Variants in RPL24 observed in about 807,000 individuals in gnomAD.
RPL24 encodes the protein large ribosomal subunit protein eL24.
RPL24 carries 7 observed loss-of-function variants against 26.4 expected under a neutral mutation model. The ratio of observed to expected loss-of-function variants is 0.27; its 90% CI spans 0.15 to 0.50. RPL24 has a LOEUF of 0.50. Among genes scored for constraint, RPL24 ranks in the 20% least tolerant of loss-of-function variants. RPL24 has a pLI of 0.98. For missense variants in RPL24, 109 were observed against 194.9 expected, an observed-to-expected ratio of 0.56 and a Z score of 2.62; for synonymous variants, 67 against 65.2, an observed-to-expected ratio of 1.03 and a Z score of -0.13.
rs753685970 is a variant in RPL24, at chr3:101,685,921, T to C, written c.89A>G (p.Gln30Arg). Residue 30 changes from glutamine to arginine, a missense_variant, in exon 3 of 6, where the codon CAG (glutamine) becomes CGG (arginine). Gln to Arg is a conservative substitution (Grantham distance 43). Transcript: ENST00000394077. Reference protein sequence around the residue: ...RYARTDGKVFQFLNAKCESAF... With the variant: ...RYARTDGKVFRFLNAKCESAF... ...CGACTCGCATTTCGCATTAAGAAAC[T>C]GGAAAACCTAGAGTGACAAATGCAA... 3 of 1,608,646 alleles carry C rather than the reference T, an allele frequency of 1.9e-6. No individual in the cohort carries two copies. Among genetic ancestry groups the C allele is most frequent in the East Asian group, 2.2e-5 (1 of 44,846 alleles).
intron 3 of RPL24, among the ~76,000 whole-genome samples, chr3:101,685,239 C>T (rs1937321266): frequency 6.6e-6 from 1 of 152,040 alleles, no homozygotes; most frequent in Admixed American, 6.6e-5. Context: ...GTTTCTCCTT[C>T]CTCTGAACTT....
rs551154412 is a variant in RPL24 at position 101,685,114 on chromosome 3, A to C, written c.192+704T>G. Among the ~76,000 whole-genome samples, 37 of 152,172 alleles carry C rather than the reference A, an allele frequency of 2.4e-4. 1 individual carries two copies. The South Asian group carries it at 7.7e-3, about 32-fold the overall frequency. On this transcript the variant is annotated intron_variant, in intron 3 of 5. Transcript: ENST00000394077. ...CCAAATGATTTTTCACAGCTGTTGC[A>C]TATTTAGCAATGCACAAAGGTTCCA...
chr3:101,681,189 T>G lies in RPL24; in HGVS notation c.420A>C (p.Gln140His). 6.2e-7 allele frequency: 1 copy of G among 1,613,922 alleles called. No homozygotes were observed. Among genetic ancestry groups the G allele is most frequent in the Non-Finnish European group, 8.5e-7 (1 of 1,179,798 alleles). Reference protein sequence around the residue: ...AKAPTKAAPKQKIVKPVKVSA... With the variant: ...AKAPTKAAPKHKIVKPVKVSA... Reference sequence around the variant, plus strand: ...AAACTTTCACAGGCTTCACAATCTTTTGCTTAGGTGCTGCCTTTGTAGGTG... The same window carrying G: ...AAACTTTCACAGGCTTCACAATCTTGTGCTTAGGTGCTGCCTTTGTAGGTG... The change falls in exon 6 of 6, where the codon CAA (glutamine) becomes CAC (histidine). Residue 140 changes from glutamine to histidine, a missense_variant. Gln to His is a conservative substitution (Grantham distance 24). This residue lies in a region of RPL24 where 39 missense variants were observed against 80.3 expected (regional missense o/e 0.49). Coordinates refer to ENST00000394077, the MANE Select transcript of RPL24 (RefSeq NM_000986.4).
chr3:101,684,877 CT>C (rs55805152), intron 3 of RPL24, among the ~76,000 whole-genome samples: 185 of 133,774 alleles, frequency 1.4e-3, no homozygotes, highest in East Asian at 6.0e-3. Flanking sequence ...ATCTAAATAA[CT>C]TTTTTTTTTT....
At chr3:101,686,288 C>T (rs1034832823) in intron 2 of RPL24, 194 bp downstream of exon 2, 7 of 598,112 alleles carry the variant, frequency 1.2e-5, no homozygotes, top group African/African-American at 9.3e-5. Context: ...TCCTGATGTC[C>T]GACCTGGCTC....
intron 3 of RPL24, among the ~76,000 whole-genome samples, chr3:101,683,460 C>T (rs546305906): frequency 1.3e-5 from 2 of 152,262 alleles, no homozygotes; most frequent in African/African-American, 4.8e-5. Context: ...TATTAAGGCA[C>T]TGACATGCAA....
chr3:101,685,113 C>T (rs914491224), intron 3 of RPL24, among the ~76,000 whole-genome samples: 1 of 151,684 alleles, frequency 6.6e-6, no homozygotes, highest in African/African-American at 2.4e-5. Context: ...ACAGCTGTTG[C>T]ATATTTAGCA....
chr3:101,684,669 C>T (rs980927471), intron 3 of RPL24, among the ~76,000 whole-genome samples: 4 of 149,676 alleles, frequency 2.7e-5, no homozygotes, highest in East Asian at 2.0e-4. Flanking sequence ...CTGTGGACCA[C>T]GGGGTAGGCG....
chr3:101,685,634 T>C (rs1402505170), intron 3 of RPL24, among the ~76,000 whole-genome samples, 184 bp downstream of exon 3: 2 of 152,248 alleles, frequency 1.3e-5, no homozygotes, highest in East Asian at 3.8e-4. Flanking sequence ...TTCAACTCGG[T>C]ATTGCTACTA....
Position 101,683,725 on chromosome 3 carries a change from T to TA in RPL24, c.193-819dup, listed in dbSNP as rs1559992889. 3.3e-5 allele frequency among the ~76,000 whole-genome samples: 5 copies of TA among 150,546 alleles called. No individual in the cohort carries two copies. In the South Asian group the frequency reaches 8.4e-4, roughly 25 times the overall value. ...TTCTTTTCTTTTTTTTTTTTTTTTT[T>TA]AAAGACTCAGCCTTGCTCTGTTGCC... On this transcript the variant is annotated intron_variant, in intron 3 of 5. Coordinates refer to ENST00000394077, the MANE Select transcript of RPL24 (RefSeq NM_000986.4).
chr3:101,682,931 C>T, intron 3 of RPL24, 24 bp from the exon 4 acceptor site: 1 of 1,593,150 alleles, frequency 6.3e-7, no homozygotes, highest in Non-Finnish European at 8.6e-7. Context: ...ATGAGGGGCA[C>T]ACTTAGGAAC....
Position 101,685,876 on chromosome 3 carries a change from T to A in RPL24, c.134A>T (p.Asn45Ile). Reference sequence around the variant, plus strand: ...GACAGTCCAGTTTATCTGCCGAGGATTCCTCTTGGAAAGGAAAGCCGACTC... The same window carrying A: ...GACAGTCCAGTTTATCTGCCGAGGAATCCTCTTGGAAAGGAAAGCCGACTC... Reference protein sequence around the residue: ...KCESAFLSKRNPRQINWTVLY... With the variant: ...KCESAFLSKRIPRQINWTVLY... The change falls in exon 3 of 6, where the codon AAT (asparagine) becomes ATT (isoleucine). Residue 45 changes from asparagine to isoleucine, a missense_variant. Transcript: ENST00000394077. 3 of 1,614,106 alleles carry A rather than the reference T, an allele frequency of 1.9e-6. No individual in the cohort carries two copies. The highest frequency in any genetic ancestry group is 2.5e-6 in the Non-Finnish European group (3 of 1,179,946).
chr3:101,682,327 C>T (rs543613926), intron 5 of RPL24, 102 bp downstream of exon 5: 16 of 913,902 alleles, frequency 1.8e-5, no homozygotes, highest in South Asian at 8.0e-5. Flanking sequence ...GATCAGATCA[C>T]GCCACTGCAC....
Position 101,682,417 on chromosome 3 carries a change from C to G in RPL24, c.393+12G>C. The G allele has an allele frequency of 6.2e-7, 1 of 1,606,420 alleles. No individual in the cohort carries two copies. The highest frequency in any genetic ancestry group is 8.5e-7 in the Non-Finnish European group (1 of 1,173,010). ...TGTATTGTTCAAGAAAGTAAAGAAA[C>G]CCCATAATTACCTTAGCAGCAGCCA... On this transcript the variant is annotated intron_variant, in intron 5 of 5. Transcript: ENST00000394077.
intron 2 of RPL24, 179 bp downstream of exon 2, chr3:101,686,303 T>C: frequency 1.7e-6 from 1 of 605,412 alleles, no homozygotes; most frequent in East Asian, 2.8e-5. Context: ...TGGCTCACAA[T>C]AAATAATCAA....
In RPL24 at chr3:101,686,701, A is replaced by T. The variant is rs757442203; in HGVS notation, c.-25T>A. Reference sequence around the variant, plus strand: ...TGGCGACAGCTCCACGGAAAGACAAAAGATGGCGAAAAGAAAGAGAGAATC... The same window carrying T: ...TGGCGACAGCTCCACGGAAAGACAATAGATGGCGAAAAGAAAGAGAGAATC... On this transcript the variant is annotated 5_prime_UTR_variant, in exon 1 of 6. Coordinates refer to ENST00000394077, the MANE Select transcript of RPL24 (RefSeq NM_000986.4). 6.2e-7 allele frequency: 1 copy of T among 1,614,144 alleles called. No homozygotes were observed. The highest frequency in any genetic ancestry group is 8.5e-7 in the Non-Finnish European group (1 of 1,180,010).
Position 101,685,899 on chromosome 3 carries a change from C to G in RPL24, c.111G>C (p.Glu37Asp). The G allele has an allele frequency of 6.2e-7, 1 of 1,613,846 alleles. No individual in the cohort carries two copies. Among genetic ancestry groups the G allele is most frequent in the Middle Eastern group, 1.6e-4 (1 of 6,062 alleles). Residue 37 changes from glutamate to aspartate, a missense_variant, in exon 3 of 6, where the codon GAG becomes GAC. Coordinates refer to ENST00000394077, the MANE Select transcript of RPL24 (RefSeq NM_000986.4). ...GATTCCTCTTGGAAAGGAAAGCCGA[C>G]TCGCATTTCGCATTAAGAAACTGGA... Reference protein sequence around the residue: ...KVFQFLNAKCESAFLSKRNPR... With the variant: ...KVFQFLNAKCDSAFLSKRNPR...
At chr3:101,686,599 G>A in intron 1 of RPL24, 42 bp from the exon 2 acceptor site, 3 of 1,613,946 alleles carry the variant, frequency 1.9e-6, no homozygotes, top group Non-Finnish European at 2.5e-6. Context: ...GGTGTCTACA[G>A]CCATGCCAGG....
Position 101,685,029 on chromosome 3 carries a change from G to A in RPL24, c.192+789C>T, listed in dbSNP as rs377444024. 4.0e-5 allele frequency among the ~76,000 whole-genome samples: 6 copies of A among 151,616 alleles called. No homozygotes were observed. The East Asian group carries it at 7.7e-4, about 20-fold the overall frequency. ...GAGTCCCTGCTTTCAACTGTTTTAGGGTATAACTTAGAAGTGGAACTGCTG... is the reference window on the plus strand; with the variant it reads ...GAGTCCCTGCTTTCAACTGTTTTAGAGTATAACTTAGAAGTGGAACTGCTG... On this transcript the variant is annotated intron_variant, in intron 3 of 5. Coordinates refer to ENST00000394077, the MANE Select transcript of RPL24 (RefSeq NM_000986.4).
Sources: allele counts gnomAD v4.1 joint callset (sites outside exome capture counted in the v4.1 genomes callset), GRCh38; gene constraint gnomAD v4.1.1; regional missense constraint gnomAD v4.1.1; transcripts MANE v1.5; gene names NCBI Gene and HGNC (gene_info 2026-07-23, HGNC 2026-07-21).